Variants in EDA observed in about 807,000 individuals in gnomAD.
The protein encoded by EDA is ectodysplasin A.
A neutral mutation model predicts 23.6 loss-of-function variants in EDA; 2 were observed. The observed-to-expected ratio is 0.08, with a 90% CI of 0.03 to 0.27. The LOEUF is 0.27. Among genes scored for constraint, EDA ranks in the 10% least tolerant of loss-of-function variants. The pLI, the probability that EDA is intolerant of heterozygous loss-of-function variation, is 1.00. For synonymous variants in EDA, 131 were observed against 132.0 expected, an observed-to-expected ratio of 0.99 and a Z score of 0.05; for missense variants, 229 against 324.2, an observed-to-expected ratio of 0.71 and a Z score of 2.26.
At chrX:69,991,977 G>A (rs1177342989) in intron 2 of EDA, among the ~76,000 whole-genome samples, 1 of 112,280 alleles carries the variant, frequency 8.9e-6, no homozygotes, top group Non-Finnish European at 1.9e-5. Flanking sequence ...GCCTGCTCCG[G>A]TTCCACTGTT....
At chrX:70,024,908 A>G (rs1174108767) in intron 3 of EDA, among the ~76,000 whole-genome samples, 2 of 112,238 alleles carry the variant, frequency 1.8e-5, no homozygotes, top group Non-Finnish European at 1.9e-5. Flanking sequence ...TTCTAAGTAC[A>G]AACGTCTCTG....
intron 1 of EDA, among the ~76,000 whole-genome samples, chrX:69,919,687 T>A (rs891600439): frequency 9.8e-5 from 11 of 112,278 alleles, no homozygotes; most frequent in African/African-American, 3.6e-4. Context: ...AGGAATCATA[T>A]CTGAAGAGGA....
chrX:69,951,523 G>A (rs968595679), intron 1 of EDA, among the ~76,000 whole-genome samples: 1 of 111,805 alleles, frequency 8.9e-6, no homozygotes, highest in African/African-American at 3.3e-5. Flanking sequence ...CTAGGCACTA[G>A]CTATACAAAA....
At chrX:69,800,991 CA>C (rs977750637) in intron 1 of EDA, among the ~76,000 whole-genome samples, 1 of 111,483 alleles carries the variant, frequency 9.0e-6, no homozygotes, top group African/African-American at 3.3e-5. Flanking sequence ...GTGCCTTGTT[CA>C]ACCACATTTA....
chrX:69,969,868 A>C (rs1378773248), intron 2 of EDA, among the ~76,000 whole-genome samples: 3 of 111,463 alleles, frequency 2.7e-5, no homozygotes, highest in Non-Finnish European at 5.7e-5. Context: ...ACTTTGGGAG[A>C]CCAAGGCAGG....
chrX:70,033,127 G>T (rs2020221645), intron 6 of EDA, among the ~76,000 whole-genome samples: 1 of 112,822 alleles, frequency 8.9e-6, no homozygotes, highest in Non-Finnish European at 1.9e-5. Context: ...CAGCTAGAAG[G>T]TATTGGTTAA....
rs2015790732 is a variant in EDA at position 69,805,389 on chromosome X, A to G, written c.397-151638A>G. 4.5e-5 allele frequency among the ~76,000 whole-genome samples: 5 copies of G among 111,744 alleles called. No homozygotes were observed. In the South Asian group the frequency reaches 1.9e-3, roughly 42 times the overall value. ...TGAGTGAATGGATATAAATGAAATTAACTTTCTTTATTTTATAATCAGACA... is the reference window on the plus strand; with the variant it reads ...TGAGTGAATGGATATAAATGAAATTGACTTTCTTTATTTTATAATCAGACA... On this transcript the variant is annotated intron_variant, in intron 1 of 7. Coordinates refer to ENST00000374552, the MANE Select transcript of EDA (RefSeq NM_001399.5).
At chrX:69,682,211 C>T (rs1934385220) in intron 1 of EDA, among the ~76,000 whole-genome samples, 1 of 112,160 alleles carries the variant, frequency 8.9e-6, no homozygotes, top group Non-Finnish European at 1.9e-5. Flanking sequence ...GGGAGAACCA[C>T]TGCTCTCTTC....
chrX:69,906,850 G>A (rs1294474593), intron 1 of EDA, among the ~76,000 whole-genome samples: 3 of 112,405 alleles, frequency 2.7e-5, no homozygotes, highest in African/African-American at 9.7e-5. Context: ...TAAACGTAAT[G>A]TCTTTTCTTC....
chrX:69,881,454 T>C, intron 1 of EDA, among the ~76,000 whole-genome samples: 1 of 111,284 alleles, frequency 9.0e-6, no homozygotes, highest in Middle Eastern at 4.6e-3. Flanking sequence ...TTAAATAAAT[T>C]TGAATACCTC....
At chrX:69,726,718 AAGGTGAAACGGGAG>A (rs2012817614) in intron 1 of EDA, among the ~76,000 whole-genome samples, 1 of 111,979 alleles carries the variant, frequency 8.9e-6, no homozygotes, top group Admixed American at 9.4e-5. Context: ...GAGTCTGGTG[AAGGTGAAACGGGAG>A]AGTTCCCTGA....
At chrX:69,692,572 A>G (rs1934742521) in intron 1 of EDA, among the ~76,000 whole-genome samples, 1 of 111,815 alleles carries the variant, frequency 8.9e-6, no homozygotes, top group Non-Finnish European at 1.9e-5. Context: ...CCAAGCTTCA[A>G]TTTCCATGGA....
chrX:69,745,752 C>T (rs1050923716), intron 1 of EDA, among the ~76,000 whole-genome samples: 3 of 111,503 alleles, frequency 2.7e-5, no homozygotes, highest in Non-Finnish European at 5.7e-5. Flanking sequence ...CTTTCAGAGG[C>T]CAAGGTGGGC....
intron 1 of EDA, among the ~76,000 whole-genome samples, chrX:69,688,307 G>T (rs1191919869): frequency 3.6e-5 from 4 of 112,020 alleles, no homozygotes; most frequent in Middle Eastern, 9.2e-3. Context: ...CATAGAAGAG[G>T]TGATACTTGG....
chrX:69,703,936 C>G (rs1325755282), intron 1 of EDA, among the ~76,000 whole-genome samples: 2 of 112,096 alleles, frequency 1.8e-5, no homozygotes, highest in African/African-American at 6.5e-5. Flanking sequence ...AATTTATAAG[C>G]TAAATCTTAT....
intron 1 of EDA, among the ~76,000 whole-genome samples, chrX:69,630,086 A>G (rs1348220100): frequency 9.0e-6 from 1 of 111,495 alleles, no homozygotes; most frequent in African/African-American, 3.3e-5. Flanking sequence ...TGTATAGTGC[A>G]AAATATGCCG....
chrX:69,988,438 G>T (rs1431282463), intron 2 of EDA, among the ~76,000 whole-genome samples: 1 of 112,446 alleles, frequency 8.9e-6, no homozygotes, highest in Non-Finnish European at 1.9e-5. Flanking sequence ...TGCCTGAGGG[G>T]ATGGATACGC....
At chrX:70,025,812 A>G (rs2020098986) in intron 3 of EDA, among the ~76,000 whole-genome samples, 1 of 112,162 alleles carries the variant, frequency 8.9e-6, no homozygotes, top group African/African-American at 3.2e-5. Flanking sequence ...TCTAAAGCTC[A>G]TGCCTCTAGG....
chrX:69,808,316 G>T (rs1444535780), intron 1 of EDA, among the ~76,000 whole-genome samples: 1 of 111,767 alleles, frequency 8.9e-6, no homozygotes, highest in Non-Finnish European at 1.9e-5. Flanking sequence ...GTTCAGGAAG[G>T]TTCCAATCAT....
Sources: gnomAD v4.1 joint callset for allele counts (sites outside exome capture counted in the v4.1 genomes callset) on GRCh38, gnomAD v4.1.1 for gene constraint, MANE v1.5 for transcripts, NCBI Gene and HGNC (gene_info 2026-07-23, HGNC 2026-07-21) for gene names.